ACVR2A: variants seen among roughly 807,000 people sequenced by gnomAD.
ACVR2A encodes the protein activin A receptor type 2A.
In ACVR2A, 7 loss-of-function variants were observed where a neutral mutation model predicts 61.4. The observed-to-expected ratio is 0.11, with a 90% CI of 0.06 to 0.21. The LOEUF (loss-of-function observed/expected upper bound fraction) is 0.21. Among genes scored for constraint, ACVR2A ranks in the 10% least tolerant of loss-of-function variants. The pLI is 1.00. For missense variants in ACVR2A, 322 were observed against 621.7 expected, an observed-to-expected ratio of 0.52 and a Z score of 5.13; for synonymous variants, 193 against 208.3, an observed-to-expected ratio of 0.93 and a Z score of 0.63.
intron 1 of ACVR2A, among the ~76,000 whole-genome samples, chr2:147,878,459 TAAGA>T (rs1405514788): frequency 6.6e-6 from 1 of 152,068 alleles, no homozygotes; most frequent in Non-Finnish European, 1.5e-5. Flanking sequence ...TTTTTTTTAT[TAAGA>T]AAGAGGCCAG....
intron 1 of ACVR2A, among the ~76,000 whole-genome samples, chr2:147,868,227 C>A (rs1685920622): frequency 6.6e-6 from 1 of 152,118 alleles, no homozygotes. Context: ...AGGATGTCAC[C>A]AAGTTCCCTT....
chr2:147,891,499 A>G (rs1686581033), intron 1 of ACVR2A, among the ~76,000 whole-genome samples: 1 of 151,850 alleles, frequency 6.6e-6, no homozygotes, highest in Non-Finnish European at 1.5e-5. Context: ...AATGATTTTT[A>G]TATTTTTAGA....
intron 1 of ACVR2A, among the ~76,000 whole-genome samples, chr2:147,848,177 C>T (rs1032733663): frequency 6.6e-6 from 1 of 152,152 alleles, no homozygotes; most frequent in South Asian, 2.1e-4. Flanking sequence ...ATGATAAATA[C>T]TTTGTTTTCT....
In ACVR2A at chr2:147,895,691, G is replaced by C. The variant is rs1330292729; in HGVS notation, c.56-610G>C. On this transcript the variant is annotated intron_variant, in intron 1 of 10. Transcript: ENST00000241416. Reference sequence around the variant, plus strand: ...ATAAATACAGTTCAGTACTGTAAATGTATTTTCTGTTCCTTATTTTTAAAA... The same window carrying C: ...ATAAATACAGTTCAGTACTGTAAATCTATTTTCTGTTCCTTATTTTTAAAA... Among the ~76,000 whole-genome samples the C allele has an allele frequency of 3.3e-5, 5 of 152,102 alleles. No individual in the cohort carries two copies. The East Asian group carries it at 9.6e-4, about 29-fold the overall frequency.
intron 1 of ACVR2A, among the ~76,000 whole-genome samples, chr2:147,875,344 A>G (rs573189545): frequency 6.6e-6 from 1 of 152,126 alleles, no homozygotes; most frequent in African/African-American, 2.4e-5. Flanking sequence ...ATAAAATACA[A>G]TCTCCCATTT....
intron 1 of ACVR2A, among the ~76,000 whole-genome samples, chr2:147,875,715 A>G (rs567592843): frequency 9.5e-4 from 145 of 152,214 alleles, no homozygotes; most frequent in African/African-American, 3.3e-3. Context: ...TCCAGCTTGA[A>G]AATGAACAAA....
At chr2:147,893,014 G>A (rs1442553232) in intron 1 of ACVR2A, among the ~76,000 whole-genome samples, 1 of 151,952 alleles carries the variant, frequency 6.6e-6, no homozygotes, top group African/African-American at 2.4e-5. Context: ...CCTAGTCAAG[G>A]CGTGGTGTTC....
At chr2:147,874,959 A>T (rs532129178) in intron 1 of ACVR2A, among the ~76,000 whole-genome samples, 35 of 152,104 alleles carry the variant, frequency 2.3e-4, no homozygotes, top group African/African-American at 8.4e-4. Context: ...GTTGTCATTA[A>T]GTAGTTTTTG....
chr2:147,859,466 T>C (rs1685670451), intron 1 of ACVR2A, among the ~76,000 whole-genome samples: 2 of 146,408 alleles, frequency 1.4e-5, no homozygotes, highest in Non-Finnish European at 3.0e-5. Context: ...GCTTATAAAA[T>C]CAGTGTAGAG....
intron 8 of ACVR2A, 104 bp from the exon 9 acceptor site, chr2:147,922,869 A>G: frequency 8.4e-7 from 1 of 1,189,066 alleles, no homozygotes; most frequent in Non-Finnish European, 1.2e-6. Flanking sequence ...TGTATACCTT[A>G]CCCTGGTAAT....
At chr2:147,924,353 T>C (rs1057022412) in intron 9 of ACVR2A, among the ~76,000 whole-genome samples, 2 of 152,028 alleles carry the variant, frequency 1.3e-5, no homozygotes, top group Admixed American at 1.3e-4. Flanking sequence ...CAATAAAATA[T>C]ATCCTGGACA....
intron 1 of ACVR2A, among the ~76,000 whole-genome samples, chr2:147,855,827 A>G (rs1685557500): frequency 6.6e-6 from 1 of 152,158 alleles, no homozygotes; most frequent in African/African-American, 2.4e-5. Flanking sequence ...TAGATTTTGT[A>G]CATTTGCTAA....
intron 1 of ACVR2A, among the ~76,000 whole-genome samples, chr2:147,893,158 C>A (rs370012456): frequency 6.6e-6 from 1 of 152,102 alleles, no homozygotes; most frequent in African/African-American, 2.4e-5. Flanking sequence ...TGGAATCATA[C>A]GGGACAGCCT....
chr2:147,906,606 T>TGAA (rs1686992971), intron 4 of ACVR2A, among the ~76,000 whole-genome samples: 1 of 152,190 alleles, frequency 6.6e-6, no homozygotes, highest in African/African-American at 2.4e-5. Flanking sequence ...GTATTCACTG[T>TGAA]TATTGGTGTT....
intron 1 of ACVR2A, among the ~76,000 whole-genome samples, chr2:147,889,204 C>T (rs1432279532): frequency 6.6e-6 from 1 of 152,066 alleles, no homozygotes; most frequent in African/African-American, 2.4e-5. Context: ...TTGTTGGATT[C>T]TCTTTGCTAA....
chr2:147,912,776 A>T (rs958310543), intron 4 of ACVR2A, among the ~76,000 whole-genome samples: 14 of 151,944 alleles, frequency 9.2e-5, no homozygotes, highest in Admixed American at 6.6e-5. Flanking sequence ...GTATTAAAGA[A>T]TATTATTTAA....
chr2:147,884,085 T>G (rs1259828397), intron 1 of ACVR2A, among the ~76,000 whole-genome samples: 3 of 152,200 alleles, frequency 2.0e-5, no homozygotes, highest in Non-Finnish European at 4.4e-5. Flanking sequence ...TTTCCTTAAT[T>G]TTTTTAGAAG....
At chr2:147,906,361 G>A (rs1432827900) in intron 4 of ACVR2A, among the ~76,000 whole-genome samples, 4 of 152,110 alleles carry the variant, frequency 2.6e-5, no homozygotes, top group Admixed American at 1.3e-4. Flanking sequence ...AAAGTGGCAC[G>A]AGGACAGTAC....
rs1247051272 is a variant in ACVR2A at position 147,927,457 on chromosome 2, G to C, written c.*183G>C. On this transcript the variant is annotated 3_prime_UTR_variant, in exon 11 of 11. Coordinates refer to ENST00000241416, the MANE Select transcript of ACVR2A (RefSeq NM_001616.5). ...GACTTACTGCATTGCCGACAGCACA[G>C]ATGTGAAGGACATGAGACTAAGAGA... 1.8e-6 allele frequency: 1 copy of C among 556,120 alleles called. No homozygotes were observed. The highest frequency in any genetic ancestry group is 3.1e-6 in the Non-Finnish European group (1 of 327,820). The allele number at this position is 556,120 out of a possible 1,614,324, so 34.4% of individuals were successfully genotyped here.
Sources: allele counts gnomAD v4.1 joint callset (sites outside exome capture counted in the v4.1 genomes callset), GRCh38; gene constraint gnomAD v4.1.1; transcripts MANE v1.5; gene names NCBI Gene and HGNC (gene_info 2026-07-23, HGNC 2026-07-21).